Variants in ANKFY1 observed in about 807,000 individuals in gnomAD.
ANKFY1 encodes the protein ankyrin repeat and FYVE domain containing 1.
In ANKFY1, 47 loss-of-function variants were observed where a neutral mutation model predicts 128.3. The observed-to-expected ratio is 0.37, with a 90% CI of 0.29 to 0.47. The LOEUF is 0.47. Ranked by LOEUF, ANKFY1 falls within the 20% of genes least tolerant of loss-of-function variation. The pLI is 1.00. For synonymous variants in ANKFY1, 553 were observed against 601.6 expected, an observed-to-expected ratio of 0.92 and a Z score of 1.18; for missense variants, 1,222 against 1,510.6, an observed-to-expected ratio of 0.81 and a Z score of 3.17.
chr17:4,185,591 C>T (rs928417993), intron 11 of ANKFY1, among the ~76,000 whole-genome samples: 1 of 152,100 alleles, frequency 6.6e-6, no homozygotes, highest in Admixed American at 6.5e-5. Context: ...CTCAGCTTCC[C>T]AAATAGCTGG....
chr17:4,202,286 A>C (rs972765213), intron 7 of ANKFY1, among the ~76,000 whole-genome samples: 25 of 151,970 alleles, frequency 1.6e-4, no homozygotes, highest in African/African-American at 6.0e-4. Context: ...CTGTAATCCC[A>C]GCTACTAGGG....
At position 4,200,043 on chromosome 17, in the gene ANKFY1, G is replaced by A. The variant is rs1001298890; in HGVS notation, c.899-2466C>T. 2.7e-5 allele frequency among the ~76,000 whole-genome samples: 4 copies of A among 149,102 alleles called. No homozygotes were observed. In the Admixed American group the frequency reaches 2.8e-4, roughly 10 times the overall value. ...CAGGTGGCATCAATGAGCTCATATC[G>A]GGAAAGTTGGGTTTTGGGGATTTTT... On this transcript the variant is annotated intron_variant, in intron 7 of 24. Coordinates refer to ENST00000341657, the MANE Select transcript of ANKFY1 (RefSeq NM_001330063.2).
Position 4,222,779 on chromosome 17 carries a change from T to C in ANKFY1, c.323-5661A>G, listed in dbSNP as rs1001674652. 1.7e-5 allele frequency: 17 copies of C among 1,004,452 alleles called. No individual in the cohort carries two copies. The East Asian group carries it at 3.6e-4, about 21-fold the overall frequency. 62.2% of individuals were successfully genotyped at this position (1,004,452 alleles called of 1,614,324 possible). ...TAATATTAGCTGTTTTGCACCTTCA[T>C]AGTATGAAAAGGGTTGAACTGGATG... is the stretch of plus-strand genomic sequence containing the variant. On this transcript the variant is annotated intron_variant, in intron 3 of 24. Transcript: ENST00000341657.
At chr17:4,231,763 G>A (rs561759762) in intron 3 of ANKFY1, among the ~76,000 whole-genome samples, 5 of 151,834 alleles carry the variant, frequency 3.3e-5, no homozygotes, top group Admixed American at 3.3e-4. Flanking sequence ...TGGGCAACAT[G>A]GCAAAATCTC....
At chr17:4,248,974 C>T (rs1472694496) in intron 1 of ANKFY1, 2 of 189,604 alleles carry the variant, frequency 1.1e-5, no homozygotes, top group East Asian at 3.7e-4. Flanking sequence ...TCTGATAGTT[C>T]ATCACTCTTG....
In ANKFY1 at chr17:4,206,391, A is replaced by G. The variant is rs374696750; in HGVS notation, c.828T>C (p.Val276=). 3.3e-5 allele frequency: 54 copies of G among 1,614,234 alleles called. 1 individual carries two copies. The Middle Eastern group carries it at 1.2e-3, about 35-fold the overall frequency. The change falls in exon 7 of 25, where the codon GTT becomes GTC. Residue 276 remains valine (V), a synonymous_variant. Transcript: ENST00000341657. ...RRLESIATTL[V]SHKADVDMVD... The stretch of plus-strand genomic sequence containing the variant: ...CCATGTCCACATCAGCTTTGTGACT[A>G]ACCAGCGTGGTGGCAATACTCTCCA...
chr17:4,208,349 C>G (rs1442367831), intron 5 of ANKFY1, among the ~76,000 whole-genome samples: 1 of 152,220 alleles, frequency 6.6e-6, no homozygotes, highest in East Asian at 1.9e-4. Flanking sequence ...GGCTGACGTT[C>G]CGAGCCTCAC....
At chr17:4,202,901 A>G (rs1269348253) in intron 7 of ANKFY1, among the ~76,000 whole-genome samples, 1 of 151,190 alleles carries the variant, frequency 6.6e-6, no homozygotes, top group Non-Finnish European at 1.5e-5. Context: ...AAGTCCTCTT[A>G]GAAGAATTAT....
chr17:4,196,252 C>A (rs1381335699), intron 8 of ANKFY1, among the ~76,000 whole-genome samples: 1 of 151,286 alleles, frequency 6.6e-6, no homozygotes, highest in Non-Finnish European at 1.5e-5. Flanking sequence ...GAAAGGGATG[C>A]AATTATTTTA....
At chr17:4,205,117 T>A (rs2143014704) in intron 7 of ANKFY1, among the ~76,000 whole-genome samples, 1 of 152,262 alleles carries the variant, frequency 6.6e-6, no homozygotes, top group Non-Finnish European at 1.5e-5. Flanking sequence ...TAACAATGCA[T>A]CATCAAAAGG....
At position 4,195,410 on chromosome 17, in the gene ANKFY1, A is replaced by T; in HGVS notation, c.1165T>A (p.Cys389Ser). ...GCGTGTCTCCCTACGTACTGTTTGC[A>T]CTGCAGCAGCTGACTGAACACATAT... ...NEYVFSQLLQ[C>S]KQLDLELKDH... The change falls in exon 9 of 25, where the codon TGC (cysteine) becomes AGC (serine). Residue 389 changes from cysteine (C) to serine (S), a missense_variant. Physicochemically the swap from Cys to Ser is moderately radical, Grantham distance 112. Coordinates refer to ENST00000341657, the MANE Select transcript of ANKFY1 (RefSeq NM_001330063.2). The T allele has an allele frequency of 6.2e-7, 1 of 1,614,034 alleles. No homozygotes were observed. The highest frequency in any genetic ancestry group is 1.1e-5 in the South Asian group (1 of 91,082).
chr17:4,260,250 G>A lies in ANKFY1; in HGVS notation c.10+3682C>T, dbSNP rs73328716. On this transcript the variant is annotated intron_variant, in intron 1 of 24. Coordinates refer to ENST00000341657, the MANE Select transcript of ANKFY1 (RefSeq NM_001330063.2). The stretch of plus-strand genomic sequence containing the variant: ...ACTAGAAACTGTGAAATTAGGCTGT[G>A]AGAGAGCAAAATCTAGGAGGAAAAG... 1.4e-3 allele frequency among the ~76,000 whole-genome samples: 218 copies of A among 152,284 alleles called. 1 individual carries two copies. Among genetic ancestry groups the A allele is most frequent in the African/African-American group, 4.8e-3 (199 of 41,548 alleles).
chr17:4,222,646 C>T, intron 3 of ANKFY1: 1 of 968,174 alleles, frequency 1.0e-6, no homozygotes, highest in Non-Finnish European at 1.7e-6. Context: ...AAATTTTAAA[C>T]CAAGGAAAAT....
intron 2 of ANKFY1, among the ~76,000 whole-genome samples, chr17:4,238,613 A>G (rs959351605): frequency 6.6e-6 from 1 of 152,024 alleles, no homozygotes; most frequent in Non-Finnish European, 1.5e-5. Flanking sequence ...AGCTGGGATT[A>G]CAGGTGCGCG....
Position 4,189,413 on chromosome 17 carries a change from T to A in ANKFY1, c.1439A>T (p.Asn480Ile). ...NEAAALFLATNGAHVNHRNKW... is the reference protein window; with the variant it reads ...NEAAALFLATIGAHVNHRNKW... ...GTTTCTGTGGTTGACATGGGCACCG[T>A]TGGTTGCCAGGAAAAGAGCTGCTGC... The change falls in exon 11 of 25, where the codon AAC becomes ATC. Residue 480 changes from asparagine (N) to isoleucine (I), a missense_variant. Transcript: ENST00000341657. 1 of 1,591,612 alleles carries A rather than the reference T, an allele frequency of 6.3e-7. No individual in the cohort carries two copies. Among genetic ancestry groups the A allele is most frequent in the Non-Finnish European group, 8.6e-7 (1 of 1,166,302 alleles).
intron 7 of ANKFY1, 99 bp from the exon 8 acceptor site, chr17:4,197,676 G>A (rs566315018): frequency 3.9e-5 from 43 of 1,101,066 alleles, no homozygotes; most frequent in South Asian, 1.5e-4. Flanking sequence ...AAAGGAGAGC[G>A]ATAACTAGAT....
chr17:4,211,395 C>CA (rs71383533), intron 4 of ANKFY1, among the ~76,000 whole-genome samples: 43,594 of 126,584 alleles, frequency 0.34, 7,304 homozygotes, highest in Admixed American at 0.43. Context: ...AGACTCGTCT[C>CA]AAAAAAAAAA....
intron 1 of ANKFY1, among the ~76,000 whole-genome samples, chr17:4,256,774 G>A (rs1968153904): frequency 6.6e-6 from 1 of 152,168 alleles, no homozygotes; most frequent in African/African-American, 2.4e-5. Context: ...TGTCATCTCT[G>A]GCACAGTAGC....
At chr17:4,202,981 C>CATATATATATATATATATATATATAT (rs56774221) in intron 7 of ANKFY1, among the ~76,000 whole-genome samples, 3 of 146,234 alleles carry the variant, frequency 2.1e-5, no homozygotes, top group African/African-American at 7.5e-5. Flanking sequence ...TAATCATACA[C>CATATATATATATATATATATATATAT]ATATATATAT....
Sources: gnomAD v4.1 joint callset for allele counts (sites outside exome capture counted in the v4.1 genomes callset) on GRCh38, gnomAD v4.1.1 for gene constraint, MANE v1.5 for transcripts, NCBI Gene and HGNC (gene_info 2026-07-23, HGNC 2026-07-21) for gene names.